PPM1E: variants seen among roughly 807,000 people sequenced by gnomAD.
PPM1E encodes the protein protein phosphatase 1E.
A neutral mutation model predicts 65.9 loss-of-function variants in PPM1E; 20 were observed. The ratio of observed to expected loss-of-function variants is 0.30; its 90% CI spans 0.21 to 0.44. The LOEUF (loss-of-function observed/expected upper bound fraction) is 0.44. Among genes scored for constraint, PPM1E ranks in the 20% least tolerant of loss-of-function variants. The probability of loss-of-function intolerance (pLI) is 1.00; values close to 1 mark genes in which losing one functional copy is unlikely to be tolerated. For synonymous variants in PPM1E, 352 were observed against 374.9 expected (o/e 0.94, Z 0.70); for missense variants, 713 against 953.1 (o/e 0.75, Z 3.32).
In PPM1E at chr17:58,984,610, G is replaced by A. The variant is rs1228866781; in HGVS notation, c.*3579G>A. 1.3e-5 allele frequency: 2 copies of A among 152,486 alleles called. No homozygotes were observed. Among genetic ancestry groups the A allele is most frequent in the African/African-American group, 2.4e-5 (1 of 41,414 alleles). 9.4% of individuals were successfully genotyped at this position (152,486 alleles called of 1,614,324 possible). A position where few individuals can be genotyped will look rare whatever the true frequency, so the allele number is the denominator to read the frequency against. Reference sequence around the variant, plus strand: ...AATTTTTTTCACCTTTGAAAATCACGTGATGTTAAAGGACAAATGCCCACT... The same window carrying A: ...AATTTTTTTCACCTTTGAAAATCACATGATGTTAAAGGACAAATGCCCACT... On this transcript the variant is annotated 3_prime_UTR_variant, in exon 7 of 7. Coordinates refer to ENST00000308249, the MANE Select transcript of PPM1E (RefSeq NM_014906.5).
chr17:58,847,042 G>A (rs546020510), intron 1 of PPM1E, among the ~76,000 whole-genome samples: 2 of 152,174 alleles, frequency 1.3e-5, no homozygotes, highest in African/African-American at 2.4e-5. Flanking sequence ...ATTTTTTCAT[G>A]TGTCTTTTGG....
chr17:58,978,103 G>A (rs2031131636), intron 6 of PPM1E, among the ~76,000 whole-genome samples: 1 of 152,164 alleles, frequency 6.6e-6, no homozygotes, highest in South Asian at 2.1e-4. Context: ...GATTACTCAA[G>A]TGAGTTTATC....
chr17:58,864,456 CAT>C (rs1355001897), intron 1 of PPM1E, among the ~76,000 whole-genome samples: 1 of 88,060 alleles, frequency 1.1e-5, no homozygotes, highest in African/African-American at 5.1e-5. Context: ...GCCTGGCCAA[CAT>C]GGTGAAACCT....
chr17:58,844,666 T>C (rs569235051), intron 1 of PPM1E, among the ~76,000 whole-genome samples: 10 of 152,346 alleles, frequency 6.6e-5, no homozygotes, highest in African/African-American at 2.4e-4. Context: ...GAAAATGTGT[T>C]AATGGAATTT....
chr17:58,968,916 AT>A (rs530915828), intron 3 of PPM1E, among the ~76,000 whole-genome samples: 88 of 152,314 alleles, frequency 5.8e-4, no homozygotes, highest in Middle Eastern at 3.4e-3. Flanking sequence ...TGAGCATCTG[AT>A]GTGGTTCAAG....
At position 58,921,089 on chromosome 17, in the gene PPM1E, A is replaced by G. The variant is rs1323742201; in HGVS notation, c.465-34560A>G. 2.0e-5 allele frequency among the ~76,000 whole-genome samples: 3 copies of G among 152,340 alleles called. No individual in the cohort carries two copies. The East Asian group carries it at 5.8e-4, about 29-fold the overall frequency. On this transcript the variant is annotated intron_variant, in intron 1 of 6. Transcript: ENST00000308249. ...TTGACAGTTGGATTTGGCAACATGG[A>G]AGCCATTGTGACTTTAATAAGAGCA...
At chr17:58,795,568 G>A (rs1176560095) in intron 1 of PPM1E, among the ~76,000 whole-genome samples, 1 of 152,246 alleles carries the variant, frequency 6.6e-6, no homozygotes, top group Middle Eastern at 3.4e-3. Flanking sequence ...ACTGGATGTG[G>A]TGGCGCACGC....
chr17:58,904,856 CAAA>C (rs71367643), intron 1 of PPM1E, among the ~76,000 whole-genome samples: 2 of 104,070 alleles, frequency 1.9e-5, no homozygotes, highest in Admixed American at 1.0e-4. Context: ...ACTAAAAATA[CAAA>C]AAAAAAAAAA....
intron 1 of PPM1E, among the ~76,000 whole-genome samples, chr17:58,820,236 A>G (rs1266093623): frequency 6.6e-6 from 1 of 151,992 alleles, no homozygotes; most frequent in Non-Finnish European, 1.5e-5. Flanking sequence ...TTGGGTGGGG[A>G]CAGAGTTCCA....
intron 1 of PPM1E, among the ~76,000 whole-genome samples, chr17:58,816,777 TATATATATATATATA>T (rs1457017540): frequency 3.1e-3 from 46 of 14,940 alleles, no homozygotes; most frequent in African/African-American, 6.6e-3. Context: ...TATATATATA[TATATATATATATATA>T]TATTTTTTTT....
rs2031443155 is a variant in PPM1E at position 58,982,862 on chromosome 17, C to G, written c.*1831C>G. 3.9e-6 allele frequency: 6 copies of G among 1,542,604 alleles called. No homozygotes were observed. Among genetic ancestry groups the G allele is most frequent in the Non-Finnish European group, 5.3e-6 (6 of 1,134,040 alleles). Reference sequence around the variant, plus strand: ...CATGGTCCTCACTCATATCTGTCACCTTCTGAAGCCTAGATCTTGTTAACC... The same window carrying G: ...CATGGTCCTCACTCATATCTGTCACGTTCTGAAGCCTAGATCTTGTTAACC... On this transcript the variant is annotated 3_prime_UTR_variant, in exon 7 of 7. Coordinates refer to ENST00000308249, the MANE Select transcript of PPM1E (RefSeq NM_014906.5).
chr17:58,853,735 G>T (rs999655090), intron 1 of PPM1E, among the ~76,000 whole-genome samples: 4 of 152,110 alleles, frequency 2.6e-5, no homozygotes, highest in African/African-American at 9.7e-5. Flanking sequence ...GGAGACTGAG[G>T]CATGAGAATC....
At chr17:58,858,745 A>G (rs563694859) in intron 1 of PPM1E, among the ~76,000 whole-genome samples, 3 of 152,314 alleles carry the variant, frequency 2.0e-5, no homozygotes, top group South Asian at 2.1e-4. Flanking sequence ...GTTGGTTATT[A>G]TGTATTTCCA....
chr17:58,918,337 A>G (rs571545705), intron 1 of PPM1E, among the ~76,000 whole-genome samples: 1 of 152,274 alleles, frequency 6.6e-6, no homozygotes, highest in African/African-American at 2.4e-5. Flanking sequence ...TCCTAAGGGC[A>G]TATCGTTTTT....
intron 1 of PPM1E, among the ~76,000 whole-genome samples, chr17:58,898,383 A>AT (rs1188350413): frequency 2.0e-5 from 3 of 152,234 alleles, no homozygotes; most frequent in Non-Finnish European, 2.9e-5. Context: ...GAAGACATTT[A>AT]TGCAGCCAAC....
At chr17:58,940,810 A>G (rs1459855473) in intron 1 of PPM1E, among the ~76,000 whole-genome samples, 2 of 152,138 alleles carry the variant, frequency 1.3e-5, no homozygotes, top group Non-Finnish European at 2.9e-5. Context: ...TCCCAGGTTC[A>G]AGCAATTCTC....
At chr17:58,756,506 C>T (rs1273573505) in intron 1 of PPM1E, 45 bp downstream of exon 1, 2 of 1,262,172 alleles carry the variant, frequency 1.6e-6, no homozygotes, top group South Asian at 3.7e-5. Flanking sequence ...CGGTCCCCAC[C>T]GCGCCGGCCT....
intron 1 of PPM1E, among the ~76,000 whole-genome samples, chr17:58,887,446 C>T (rs1470704483): frequency 2.6e-5 from 4 of 152,080 alleles, no homozygotes; most frequent in Admixed American, 6.6e-5. Flanking sequence ...AGATTACAGG[C>T]GTGAGCCACT....
At chr17:58,862,724 A>G (rs2050955366) in intron 1 of PPM1E, among the ~76,000 whole-genome samples, 1 of 152,196 alleles carries the variant, frequency 6.6e-6, no homozygotes, top group Admixed American at 6.5e-5. Flanking sequence ...GAAGGCCTCC[A>G]ATAATACTGT....
Sources: allele counts gnomAD v4.1 joint callset (sites outside exome capture counted in the v4.1 genomes callset), GRCh38; gene constraint gnomAD v4.1.1; transcripts MANE v1.5; gene names NCBI Gene and HGNC (gene_info 2026-07-23, HGNC 2026-07-21).